EBF2: variants seen among roughly 807,000 people sequenced by gnomAD.
EBF2 encodes the protein EBF transcription factor 2.
EBF2 carries 21 observed loss-of-function variants against 72.8 expected under a neutral mutation model. The observed-to-expected ratio is 0.29, with a 90% confidence interval of 0.20 to 0.42. The LOEUF (loss-of-function observed/expected upper bound fraction) is 0.42, where lower values mean the gene tolerates loss of function less well. Among genes scored for constraint, EBF2 ranks in the 10% least tolerant of loss-of-function variants. EBF2 has a pLI of 1.00. For missense variants in EBF2, 637 were observed against 731.2 expected, an observed-to-expected ratio of 0.87 and a Z score of 1.49; for synonymous variants, 299 against 274.2, an observed-to-expected ratio of 1.09 and a Z score of -0.89.
intron 5 of EBF2, 110 bp downstream of exon 5, chr8:26,039,918 C>T: frequency 8.5e-7 from 1 of 1,179,116 alleles, no homozygotes; most frequent in East Asian, 2.4e-5. Flanking sequence ...CGAGGCCTCC[C>T]AGCTGCGAGC....
At chr8:26,017,185 C>T (rs559850134) in intron 6 of EBF2, among the ~76,000 whole-genome samples, 9 of 149,192 alleles carry the variant, frequency 6.0e-5, no homozygotes, top group Non-Finnish European at 1.2e-4. Context: ...AAAGGGAAAA[C>T]ATTTTTTAAA....
At chr8:25,988,289 T>C (rs906642867) in intron 6 of EBF2, among the ~76,000 whole-genome samples, 4 of 152,186 alleles carry the variant, frequency 2.6e-5, no homozygotes, top group Non-Finnish European at 5.9e-5. Context: ...AAGGCTCCAT[T>C]AGTCCCTATG....
At chr8:26,017,821 A>C (rs2117241066) in intron 6 of EBF2, among the ~76,000 whole-genome samples, 1 of 152,248 alleles carries the variant, frequency 6.6e-6, no homozygotes, top group East Asian at 1.9e-4. Flanking sequence ...TGGCACCTAG[A>C]GCTATAAGAA....
intron 6 of EBF2, among the ~76,000 whole-genome samples, chr8:25,926,489 G>A (rs1008770706): frequency 4.6e-5 from 7 of 152,274 alleles, no homozygotes; most frequent in African/African-American, 1.4e-4. Flanking sequence ...GCCTCTGTGA[G>A]CTGGACATCG....
chr8:25,931,193 C>T (rs1030839633), intron 6 of EBF2, among the ~76,000 whole-genome samples: 7 of 152,168 alleles, frequency 4.6e-5, no homozygotes, highest in Non-Finnish European at 8.8e-5. Context: ...TAAATAAATG[C>T]TTCAGAACTT....
chr8:26,010,367 A>G (rs1804958198), intron 6 of EBF2, among the ~76,000 whole-genome samples: 1 of 152,238 alleles, frequency 6.6e-6, no homozygotes. Flanking sequence ...AGGGCGAACC[A>G]CTGCTGACAG....
chr8:25,905,752 C>A (rs1393863612), intron 7 of EBF2, among the ~76,000 whole-genome samples: 2 of 152,184 alleles, frequency 1.3e-5, no homozygotes, highest in Non-Finnish European at 2.9e-5. Context: ...GATAGTGGTG[C>A]TGGTTGTACA....
rs375386709 is a variant in EBF2 at position 26,005,561 on chromosome 8, T to TATATATATAGAGAGAG, written c.551+27523_551+27524insCTCTCTCTATATATAT. On this transcript the variant is annotated intron_variant, in intron 6 of 15. Transcript: ENST00000520164. ...TATATTTTATATATATATATATATATAGAGAGAGAGAGAGAGAGGTATTTT... is the reference window on the plus strand; with the variant it reads ...TATATTTTATATATATATATATATATATATATATAGAGAGAGAGAGAGAGAGAGAGAGAGGTATTTT... Among the ~76,000 whole-genome samples, 373 of 63,884 alleles carry TATATATATAGAGAGAG rather than the reference T, an allele frequency of 5.8e-3. 4 individuals are homozygous for TATATATATAGAGAGAG. The highest frequency in any genetic ancestry group is 0.013 in the Middle Eastern group (1 of 76). The allele number at this position is 63,884 out of a possible 152,430, so 41.9% of individuals were successfully genotyped here.
At chr8:25,852,431 G>T in intron 14 of EBF2, among the ~76,000 whole-genome samples, 1 of 152,148 alleles carries the variant, frequency 6.6e-6, no homozygotes. Context: ...ATGGCGCCTT[G>T]GTTTCCCTGT....
intron 6 of EBF2, among the ~76,000 whole-genome samples, chr8:25,958,600 T>G (rs1340115807): frequency 6.6e-6 from 1 of 152,202 alleles, no homozygotes; most frequent in Non-Finnish European, 1.5e-5. Context: ...TGTTTTTGCT[T>G]CTTCTGCCAT....
intron 6 of EBF2, among the ~76,000 whole-genome samples, chr8:25,953,922 G>GC (rs1311889954): frequency 6.6e-6 from 1 of 152,138 alleles, no homozygotes; most frequent in Non-Finnish European, 1.5e-5. Flanking sequence ...CAGCACATTA[G>GC]GTTGCATATT....
intron 6 of EBF2, among the ~76,000 whole-genome samples, chr8:25,968,938 C>CTGCA (rs78994833): frequency 0.12 from 18,529 of 152,016 alleles, 1,147 homozygotes; most frequent in Middle Eastern, 0.2. Flanking sequence ...CACTACTGAA[C>CTGCA]TGCACACTTA....
chr8:25,910,506 C>A (rs2117315643), intron 6 of EBF2, among the ~76,000 whole-genome samples: 1 of 152,186 alleles, frequency 6.6e-6, no homozygotes, highest in East Asian at 1.9e-4. Context: ...ACTACCCCCA[C>A]TCCCCGCTCC....
intron 6 of EBF2, among the ~76,000 whole-genome samples, chr8:25,976,486 T>A (rs921326272): frequency 1.3e-5 from 2 of 152,244 alleles, no homozygotes; most frequent in Non-Finnish European, 2.9e-5. Context: ...TGGGCTGAGC[T>A]GCCAAGACAC....
At chr8:25,878,741 T>A (rs543666600) in intron 10 of EBF2, among the ~76,000 whole-genome samples, 95 of 152,308 alleles carry the variant, frequency 6.2e-4, no homozygotes, top group Admixed American at 1.8e-3. Context: ...TCTTCTTTAT[T>A]TGTGAATGAA....
chr8:26,034,465 CAACA>C (rs1805463527), intron 5 of EBF2, among the ~76,000 whole-genome samples: 1 of 152,140 alleles, frequency 6.6e-6, no homozygotes, highest in Non-Finnish European at 1.5e-5. Flanking sequence ...GGGGCAATTA[CAACA>C]AACAGAAAGT....
intron 1 of EBF2, among the ~76,000 whole-genome samples, chr8:26,042,634 G>C (rs550520978): frequency 6.6e-6 from 1 of 152,364 alleles, no homozygotes; most frequent in Admixed American, 6.5e-5. Flanking sequence ...CACTCCCTCA[G>C]GTGGTACTGC....
intron 6 of EBF2, 145 bp from the exon 7 acceptor site, chr8:25,908,700 C>T (rs753414160): frequency 1.4e-5 from 9 of 626,584 alleles, no homozygotes; most frequent in Non-Finnish European, 2.5e-5. Context: ...AGGAACACTG[C>T]TGACCCTCTG....
intron 13 of EBF2, among the ~76,000 whole-genome samples, chr8:25,860,580 G>A (rs1164856206): frequency 6.6e-6 from 1 of 150,538 alleles, no homozygotes; most frequent in African/African-American, 2.4e-5. Context: ...CATTTGCAGT[G>A]TGCCAGCGCA....
Sources: gnomAD v4.1 joint callset for allele counts (sites outside exome capture counted in the v4.1 genomes callset) on GRCh38, gnomAD v4.1.1 for gene constraint, MANE v1.5 for transcripts, NCBI Gene and HGNC (gene_info 2026-07-23, HGNC 2026-07-21) for gene names.